Variants in CDH15 observed in about 807,000 individuals in gnomAD.
CDH15 encodes cadherin-15.
Under a neutral mutation model 69.4 loss-of-function variants are expected in CDH15, and 73 were observed. The observed-to-expected ratio is 1.05, with a 90% CI of 0.87 to 1.28. The LOEUF is 1.28. Ranked by LOEUF, CDH15 falls within the 50% of genes most tolerant of loss-of-function variation. The pLI is 0.00. For synonymous variants in CDH15, 624 were observed against 507.7 expected (o/e 1.23, Z -3.08); for missense variants, 1,343 against 1,133.6 (o/e 1.18, Z -2.65).
chr16:89,191,370 G>T lies in CDH15; in HGVS notation c.1273G>T (p.Asp425Tyr). 6.2e-7 allele frequency: 1 copy of T among 1,612,392 alleles called. No homozygotes were observed. The highest frequency in any genetic ancestry group is 8.5e-7 in the Non-Finnish European group (1 of 1,179,908). The change falls in exon 9 of 14, where the codon GAC becomes TAC. Residue 425 changes from aspartate to tyrosine, a missense_variant. Asp to Tyr is a radical substitution (Grantham distance 160). Transcript: ENST00000289746. ...DYDPEDWLQV[D>Y]AATGRIQTQH... ...CGACCCGGAAGACTGGCTGCAAGTG[G>T]ACGCAGCCACTGGCCGGATCCAGAC...
rs951952748 is a variant in CDH15 at position 89,192,189 on chromosome 16, C to A, written c.1616-16C>A. The A allele has an allele frequency of 2.6e-6, 4 of 1,527,752 alleles. No individual in the cohort carries two copies. Among genetic ancestry groups the A allele is most frequent in the Middle Eastern group, 2.3e-4 (1 of 4,356 alleles). 94.6% of individuals were successfully genotyped at this position (1,527,752 alleles called of 1,614,324 possible). On this transcript the variant is annotated splice_polypyrimidine_tract_variant and intron_variant, in intron 10 of 13. Transcript: ENST00000289746. The stretch of plus-strand genomic sequence containing the variant: ...GGCCTCGGGAGGCCCTCGCTCACCA[C>A]AGGCGCCCTCCGCAGTGAGCCACGC...
rs760830715 is a variant in CDH15, at chr16:89,194,974, G to A, written c.2264G>A (p.Ser755Asn). The A allele has an allele frequency of 1.2e-6, 2 of 1,611,058 alleles. No homozygotes were observed. Among genetic ancestry groups the A allele is most frequent in the Non-Finnish European group, 1.7e-6 (2 of 1,179,278 alleles). Residue 755 changes from serine (S) to asparagine (N), a missense_variant, in exon 14 of 14, where the codon AGC (serine) becomes AAC (asparagine). Physicochemically the swap from Ser to Asn is conservative, Grantham distance 46. Coordinates refer to ENST00000289746, the MANE Select transcript of CDH15 (RefSeq NM_004933.3). The part of the protein sequence containing the change: ...VAGTLSSILS[S>N]QGDEDQDYDY... The stretch of plus-strand genomic sequence containing the variant: ...GGGACGCTGAGCTCCATCCTGTCCA[G>A]CCAGGGCGATGAGGACCAGGACTAC...
intron 11 of CDH15, 65 bp from the exon 12 acceptor site, chr16:89,193,405 C>T: frequency 1.0e-6 from 1 of 998,206 alleles, no homozygotes; most frequent in Non-Finnish European, 1.4e-6. Context: ...CCACCTCCTT[C>T]GCAGCCCGGC....
chr16:89,189,645 A>C (rs1915593596), intron 7 of CDH15, among the ~76,000 whole-genome samples: 1 of 152,232 alleles, frequency 6.6e-6, no homozygotes. Flanking sequence ...CCATGTACAA[A>C]ATCACAGCTG....
intron 1 of CDH15, among the ~76,000 whole-genome samples, chr16:89,175,315 G>C (rs140178107): frequency 6.6e-6 from 1 of 152,244 alleles, no homozygotes. Flanking sequence ...CACCTCAGCC[G>C]TGTGGGGTTC....
rs767381586 is a variant in CDH15, at chr16:89,185,379, C to G, written c.663+46C>G. 9 of 1,553,500 alleles carry G rather than the reference C, an allele frequency of 5.8e-6. No individual in the cohort carries two copies. In the Admixed American group the frequency reaches 1.3e-4, roughly 23 times the overall value. On this transcript the variant is annotated intron_variant, in intron 5 of 13. Transcript: ENST00000289746. Reference sequence around the variant, plus strand: ...CTCCACACCCGCACGGCCAGGGCAGCCCATCTCCTGCGGGTCCCTCTGCCC... The same window carrying G: ...CTCCACACCCGCACGGCCAGGGCAGGCCATCTCCTGCGGGTCCCTCTGCCC...
chr16:89,191,015 G>A (rs1230921945), intron 8 of CDH15, among the ~76,000 whole-genome samples: 1 of 150,844 alleles, frequency 6.6e-6, no homozygotes, highest in African/African-American at 2.4e-5. Flanking sequence ...GCATATGTGT[G>A]TGCACATGTG....
chr16:89,193,211 C>T (rs916742713), intron 11 of CDH15, among the ~76,000 whole-genome samples: 2 of 129,088 alleles, frequency 1.5e-5, no homozygotes, highest in African/African-American at 6.2e-5. Context: ...AGCCACGCCT[C>T]TTCCCCAAGC....
intron 7 of CDH15, among the ~76,000 whole-genome samples, chr16:89,189,256 C>A (rs1915581601): frequency 7.5e-6 from 1 of 132,736 alleles, no homozygotes; most frequent in African/African-American, 2.7e-5. Flanking sequence ...CACAGATGCC[C>A]ACACACATGC....
intron 1 of CDH15, among the ~76,000 whole-genome samples, chr16:89,176,540 C>T (rs1043125636): frequency 2.0e-5 from 3 of 152,174 alleles, no homozygotes; most frequent in Non-Finnish European, 4.4e-5. Flanking sequence ...CTCGGTGCTC[C>T]CTCCGCTCGC....
intron 13 of CDH15, among the ~76,000 whole-genome samples, chr16:89,194,243 G>A (rs941027902): frequency 2.0e-5 from 3 of 152,194 alleles, no homozygotes; most frequent in South Asian, 2.1e-4. Context: ...GGCTGTCAGC[G>A]GAATCAGGGC....
At position 89,195,491 on chromosome 16, in the gene CDH15, C is replaced by A; in HGVS notation, c.*336C>A. On this transcript the variant is annotated 3_prime_UTR_variant, in exon 14 of 14. Coordinates refer to ENST00000289746, the MANE Select transcript of CDH15 (RefSeq NM_004933.3). ...GAAAAACGTGCTAGTCTCTTTCATG[C>A]AGGACGGGCGCCCACTGCCACACTG... The A allele has an allele frequency of 2.8e-6, 1 of 355,186 alleles. No individual in the cohort carries two copies. The highest frequency in any genetic ancestry group is 5.1e-5 in the East Asian group (1 of 19,742). 22.0% of individuals were successfully genotyped at this position (355,186 alleles called of 1,614,324 possible). A position where few individuals can be genotyped will look rare whatever the true frequency, so the allele number is the denominator to read the frequency against.
Position 89,191,802 on chromosome 16 carries a change from A to T in CDH15, c.1523A>T (p.Glu508Val). 6.2e-7 allele frequency: 1 copy of T among 1,605,706 alleles called. No homozygotes were observed. The highest frequency in any genetic ancestry group is 8.5e-7 in the Non-Finnish European group (1 of 1,179,398). Reference protein sequence around the residue: ...GPGLLLGATDEDLPPHGAPFH... With the variant: ...GPGLLLGATDVDLPPHGAPFH... ...GGCCTCCTCCTGGGCGCCACGGATG[A>T]GGACCTGCCCCCCCACGGGGCCCCC... is the stretch of plus-strand genomic sequence containing the variant. The change falls in exon 10 of 14, where the codon GAG becomes GTG. Residue 508 changes from glutamate (E) to valine (V), a missense_variant. Transcript: ENST00000289746.
chr16:89,175,700 T>C (rs1211310027), intron 1 of CDH15, among the ~76,000 whole-genome samples: 2 of 152,188 alleles, frequency 1.3e-5, no homozygotes, highest in African/African-American at 4.8e-5. Flanking sequence ...TGGAAGTGGC[T>C]TGTGCTCTGT....
At chr16:89,194,426 T>G (rs1039624495) in intron 13 of CDH15, among the ~76,000 whole-genome samples, 6 of 152,122 alleles carry the variant, frequency 3.9e-5, no homozygotes. Context: ...CACCCCCGGT[T>G]AGGAGCGTGT....
Position 89,192,464 on chromosome 16 carries a change from C to A in CDH15, c.1855+20C>A. 4.5e-6 allele frequency: 7 copies of A among 1,563,500 alleles called. No homozygotes were observed. The highest frequency in any genetic ancestry group is 6.0e-6 in the Non-Finnish European group (7 of 1,162,546). ...TGCTGGGTGAGTGAGCGCCCCGCCTCCACCTGGACCCTCGGACCCTCGGAC... is the reference window on the plus strand; with the variant it reads ...TGCTGGGTGAGTGAGCGCCCCGCCTACACCTGGACCCTCGGACCCTCGGAC... On this transcript the variant is annotated intron_variant, in intron 11 of 13. Transcript: ENST00000289746.
intron 1 of CDH15, among the ~76,000 whole-genome samples, 185 bp from the exon 2 acceptor site, chr16:89,179,231 G>A (rs773406599): frequency 1.3e-5 from 2 of 152,210 alleles, no homozygotes; most frequent in East Asian, 1.9e-4. Context: ...CGGGGCTCAC[G>A]TGCCTTTGCC....
Position 89,194,849 on chromosome 16 carries a change from G to A in CDH15, c.2152-13G>A. On this transcript the variant is annotated splice_polypyrimidine_tract_variant and intron_variant, in intron 13 of 13. Coordinates refer to ENST00000289746, the MANE Select transcript of CDH15 (RefSeq NM_004933.3). ...CCCTCCATGTGTCTTGAGCTCTCCG[G>A]GCCTCTTTATAGGGCTTGGAGGCTG... is the stretch of plus-strand genomic sequence containing the variant. The A allele has an allele frequency of 6.3e-7, 1 of 1,595,654 alleles. No individual in the cohort carries two copies.
chr16:89,192,206 G>A lies in CDH15; in HGVS notation c.1617G>A (p.Val539=). The A allele has an allele frequency of 1.3e-6, 2 of 1,529,046 alleles. No homozygotes were observed. The highest frequency in any genetic ancestry group is 1.2e-5 in the South Asian group (1 of 83,628). The allele number at this position is 1,529,046 out of a possible 1,614,324, so 94.7% of individuals were successfully genotyped here. The change falls in exon 11 of 14, where the codon GTG becomes GTA. Residue 539 remains valine, a splice_region_variant and synonymous_variant. Transcript: ENST00000289746. ...GCTCACCACAGGCGCCCTCCGCAGT[G>A]AGCCACGCGCGCCTGCGGCCGCGAC... is the stretch of plus-strand genomic sequence containing the variant. The part of the protein sequence containing the change: ...GRNWSLSQVN[V]SHARLRPRHQ...
Sources: allele counts gnomAD v4.1 joint callset (sites outside exome capture counted in the v4.1 genomes callset), GRCh38; gene constraint gnomAD v4.1.1; transcripts MANE v1.5; gene names NCBI Gene and HGNC (gene_info 2026-07-23, HGNC 2026-07-21).